ZC3H12B: variants seen among roughly 807,000 people sequenced by gnomAD.
ZC3H12B encodes the protein probable ribonuclease ZC3H12B.
In ZC3H12B, 7 loss-of-function variants were observed where a neutral mutation model predicts 43.9. The observed-to-expected ratio is 0.16, with a 90% CI of 0.09 to 0.30. The LOEUF (loss-of-function observed/expected upper bound fraction) is 0.30. Among genes scored for constraint, ZC3H12B ranks in the 10% least tolerant of loss-of-function variants. ZC3H12B has a pLI of 1.00. For synonymous variants in ZC3H12B, 222 were observed against 241.7 expected, an observed-to-expected ratio of 0.92 and a Z score of 0.76; for missense variants, 475 against 670.2, an observed-to-expected ratio of 0.71 and a Z score of 3.22.
the ZC3H12B span, among the ~76,000 whole-genome samples, chrX:65,212,969 G>T: frequency 8.4e-5 from 9 of 106,983 alleles, no homozygotes; most frequent in East Asian, 2.6e-3. Context: ...ATTGGTCTGT[G>T]TAATGCCATT....
intron 3 of ZC3H12B, chrX:65,469,796 C>A (rs975376320): frequency 1.8e-5 from 2 of 112,833 alleles, no homozygotes; most frequent in African/African-American, 6.5e-5. Flanking sequence ...CATGGTGAAA[C>A]CCCGTCTCTA....
the ZC3H12B span, among the ~76,000 whole-genome samples, chrX:65,300,578 C>G: frequency 9.0e-6 from 1 of 111,384 alleles, no homozygotes; most frequent in African/African-American, 3.3e-5. Context: ...CTCTACCCAC[C>G]CTGGTAGCCA....
chrX:65,039,373 A>G, the ZC3H12B span, among the ~76,000 whole-genome samples: 2 of 111,916 alleles, frequency 1.8e-5, no homozygotes, highest in African/African-American at 6.5e-5. Context: ...AATGCAATAA[A>G]TATTAACTGA....
intron 2 of ZC3H12B, among the ~76,000 whole-genome samples, chrX:65,380,739 C>T (rs778531948): frequency 1.8e-5 from 2 of 111,486 alleles, no homozygotes; most frequent in South Asian, 7.5e-4. Flanking sequence ...CACACATAGG[C>T]TCAAAATAAA....
At chrX:65,043,474 T>C in the ZC3H12B span, among the ~76,000 whole-genome samples, 5 of 110,231 alleles carry the variant, frequency 4.5e-5, no homozygotes, top group African/African-American at 1.6e-4. Flanking sequence ...AATTTCTATA[T>C]ATAATTATAT....
At chrX:65,397,141 T>A (rs2066709772) in intron 2 of ZC3H12B, among the ~76,000 whole-genome samples, 1 of 111,898 alleles carries the variant, frequency 8.9e-6, no homozygotes, top group Non-Finnish European at 1.9e-5. Context: ...CCGATGAGTC[T>A]TGACTATCCA....
chrX:65,337,816 G>A, the ZC3H12B span, among the ~76,000 whole-genome samples: 41 of 112,223 alleles, frequency 3.7e-4, no homozygotes, highest in Middle Eastern at 4.6e-3. Flanking sequence ...TGGATACATA[G>A]TAATGTTCTA....
At chrX:65,164,792 G>C in the ZC3H12B span, among the ~76,000 whole-genome samples, 5 of 111,793 alleles carry the variant, frequency 4.5e-5, no homozygotes, top group Admixed American at 4.8e-4. Context: ...AAGAGGTACT[G>C]GCAATTTCCC....
At chrX:65,110,506 G>T in the ZC3H12B span, among the ~76,000 whole-genome samples, 1 of 109,891 alleles carries the variant, frequency 9.1e-6, no homozygotes, top group East Asian at 2.9e-4. Flanking sequence ...ATTACCTATG[G>T]ATGCACAATT....
At chrX:65,297,801 A>G in the ZC3H12B span, among the ~76,000 whole-genome samples, 1 of 112,080 alleles carries the variant, frequency 8.9e-6, no homozygotes, top group South Asian at 3.7e-4. Flanking sequence ...AAATAGGCAC[A>G]TAGACCAATG....
the ZC3H12B span, among the ~76,000 whole-genome samples, chrX:65,166,610 G>C: frequency 1.8e-5 from 2 of 111,851 alleles, no homozygotes; most frequent in African/African-American, 6.5e-5. Context: ...GATCCTTGAC[G>C]AATCACCACA....
At chrX:65,135,784 T>C in the ZC3H12B span, among the ~76,000 whole-genome samples, 1 of 105,363 alleles carries the variant, frequency 9.5e-6, no homozygotes, top group African/African-American at 3.6e-5. Flanking sequence ...TTTTTCTGCC[T>C]TCCAGTTTAC....
chrX:65,245,889 C>T, the ZC3H12B span, among the ~76,000 whole-genome samples: 3 of 108,964 alleles, frequency 2.8e-5, no homozygotes, highest in Admixed American at 9.8e-5. Flanking sequence ...CAAACCTGCA[C>T]GTTGTGCACA....
At chrX:65,222,749 G>A in the ZC3H12B span, among the ~76,000 whole-genome samples, 1 of 109,785 alleles carries the variant, frequency 9.1e-6, no homozygotes, top group Non-Finnish European at 1.9e-5. Flanking sequence ...ACAAAGAAAT[G>A]GAAACATCCC....
chrX:65,151,608 A>C, the ZC3H12B span, among the ~76,000 whole-genome samples: 1 of 111,959 alleles, frequency 8.9e-6, no homozygotes, highest in Non-Finnish European at 1.9e-5. Flanking sequence ...AACTCCTAAA[A>C]GGTATAACTT....
At chrX:65,457,503 C>T (rs762760224) in intron 3 of ZC3H12B, among the ~76,000 whole-genome samples, 2,024 of 89,368 alleles carry the variant, frequency 0.023, 103 homozygotes, top group African/African-American at 0.11. Flanking sequence ...CGCTTCTTCC[C>T]GGCCGCCCCT....
At chrX:65,282,542 G>T in the ZC3H12B span, among the ~76,000 whole-genome samples, 13 of 111,088 alleles carry the variant, frequency 1.2e-4, no homozygotes, top group East Asian at 3.4e-3. Context: ...CAAGGAGCTG[G>T]TTTTTTGAAA....
intron 3 of ZC3H12B, among the ~76,000 whole-genome samples, chrX:65,430,584 A>T (rs1326203215): frequency 1.0e-5 from 1 of 98,080 alleles, no homozygotes. Context: ...ATGAGTGAGA[A>T]CATGCGGTGT....
At chrX:65,064,206 G>A in the ZC3H12B span, among the ~76,000 whole-genome samples, 2 of 110,821 alleles carry the variant, frequency 1.8e-5, no homozygotes, top group African/African-American at 6.6e-5. Flanking sequence ...TTTTGAATTT[G>A]TTGCTCTTGC....
Sources: gnomAD v4.1 joint callset for allele counts (sites outside exome capture counted in the v4.1 genomes callset) on GRCh38, gnomAD v4.1.1 for gene constraint, MANE v1.5 for transcripts, NCBI Gene and HGNC (gene_info 2026-07-23, HGNC 2026-07-21) for gene names.